GLI2: variants seen among roughly 807,000 people sequenced by gnomAD.
GLI2 encodes the protein GLI family zinc finger 2.
A neutral mutation model predicts 78.9 loss-of-function variants in GLI2; 22 were observed. The observed-to-expected ratio is 0.28, with a 90% confidence interval of 0.20 to 0.40. GLI2 has a LOEUF of 0.40. GLI2 is among the 10% of genes least tolerant of loss of function. The pLI, the probability that GLI2 is intolerant of heterozygous loss-of-function variation, is 1.00. For synonymous variants in GLI2, 974 were observed against 963.7 expected (o/e 1.01, Z -0.20); for missense variants, 2,097 against 2,213.2 (o/e 0.95, Z 1.05).
intron 2 of GLI2, among the ~76,000 whole-genome samples, chr2:120,845,638 C>T (rs879113907): frequency 6.6e-6 from 1 of 152,228 alleles, no homozygotes; most frequent in African/African-American, 2.4e-5. Flanking sequence ...CCCCGGTCAG[C>T]TTCTTGTGCT....
chr2:120,791,600 A>T (rs2104684637), intron 1 of GLI2, among the ~76,000 whole-genome samples: 1 of 152,318 alleles, frequency 6.6e-6, no homozygotes, highest in South Asian at 2.1e-4. Flanking sequence ...GGCAGGGCAC[A>T]TGTTTATCTC....
intron 9 of GLI2, among the ~76,000 whole-genome samples, chr2:120,978,105 C>T (rs149084481): frequency 7.9e-5 from 12 of 152,278 alleles, no homozygotes; most frequent in African/African-American, 2.6e-4. Context: ...CCAATATAGA[C>T]GGTCACTTTG....
chr2:120,844,974 G>GA (rs1190874386), intron 2 of GLI2, among the ~76,000 whole-genome samples: 1 of 146,972 alleles, frequency 6.8e-6, no homozygotes, highest in Admixed American at 6.7e-5. Context: ...AGCAGGTGAG[G>GA]AAAAAAAGGA....
At chr2:120,742,712 T>G (rs1682586029) in intron 1 of GLI2, among the ~76,000 whole-genome samples, 1 of 146,524 alleles carries the variant, frequency 6.8e-6, no homozygotes, top group Admixed American at 6.8e-5. Context: ...GAGAAAAATC[T>G]TTCTCCATTG....
chr2:120,940,624 C>T (rs1225728668), intron 3 of GLI2, among the ~76,000 whole-genome samples: 2 of 152,348 alleles, frequency 1.3e-5, no homozygotes, highest in African/African-American at 2.4e-5. Flanking sequence ...CTCTCTGTGA[C>T]CCCAGAGGTC....
At chr2:120,753,833 G>A (rs573280217) in intron 1 of GLI2, among the ~76,000 whole-genome samples, 2 of 151,016 alleles carry the variant, frequency 1.3e-5, no homozygotes, top group South Asian at 4.2e-4. Flanking sequence ...GGGAGGCGGA[G>A]CTTGCAGTGA....
intron 2 of GLI2, among the ~76,000 whole-genome samples, chr2:120,871,338 G>C (rs1039209655): frequency 2.6e-5 from 4 of 152,194 alleles, no homozygotes; most frequent in African/African-American, 9.7e-5. Context: ...GACGCTCCAT[G>C]AGTGTTTACT....
intron 6 of GLI2, 62 bp from the exon 7 acceptor site, chr2:120,970,331 G>A: frequency 1.1e-6 from 1 of 879,884 alleles, no homozygotes; most frequent in Non-Finnish European, 1.9e-6. Flanking sequence ...TGTCCAGGAA[G>A]TGTCAGCCTA....
chr2:120,736,463 A>C (rs899551550), intron 1 of GLI2, among the ~76,000 whole-genome samples, 178 bp downstream of exon 1: 1 of 150,270 alleles, frequency 6.7e-6, no homozygotes, highest in African/African-American at 2.5e-5. Context: ...AGTAGGCGCG[A>C]CCCCGCCTGG....
At chr2:120,893,576 G>A (rs947356326) in intron 2 of GLI2, among the ~76,000 whole-genome samples, 17 of 151,596 alleles carry the variant, frequency 1.1e-4, no homozygotes, top group African/African-American at 3.4e-4. Context: ...AGTCAGAGCC[G>A]GCCAAGAATG....
intron 2 of GLI2, among the ~76,000 whole-genome samples, chr2:120,812,244 CT>C (rs1195169931): frequency 6.6e-6 from 1 of 152,194 alleles, no homozygotes; most frequent in Non-Finnish European, 1.5e-5. Flanking sequence ...CAGGTCACCC[CT>C]GTACAGCAGG....
At chr2:120,900,024 T>C (rs1359345605) in intron 2 of GLI2, among the ~76,000 whole-genome samples, 1 of 152,170 alleles carries the variant, frequency 6.6e-6, no homozygotes, top group Non-Finnish European at 1.5e-5. Context: ...TCCCAGGACA[T>C]GCAGAGGCTG....
intron 3 of GLI2, among the ~76,000 whole-genome samples, chr2:120,929,916 T>A (rs780829908): frequency 7.2e-5 from 11 of 152,154 alleles, no homozygotes; most frequent in Non-Finnish European, 1.6e-4. Context: ...AATTGCCCAG[T>A]CAGTGGTGTC....
At chr2:120,831,973 A>G (rs1224497980) in intron 2 of GLI2, among the ~76,000 whole-genome samples, 1 of 152,158 alleles carries the variant, frequency 6.6e-6, no homozygotes, top group East Asian at 1.9e-4. Flanking sequence ...CTGCCCACCC[A>G]TCGCTTCCCA....
chr2:120,989,045 T>A lies in GLI2; in HGVS notation c.3080T>A (p.Val1027Glu), dbSNP rs1314428926. 6.2e-7 allele frequency: 1 copy of A among 1,606,546 alleles called. No homozygotes were observed. Among genetic ancestry groups the A allele is most frequent in the Non-Finnish European group, 8.5e-7 (1 of 1,179,062 alleles). The change falls in exon 14 of 14, where the codon GTG (valine) becomes GAG (glutamate). Residue 1027 changes from valine to glutamate, a missense_variant. This residue lies in a region of GLI2 where 1,290 missense variants were observed against 1,261.7 expected (regional missense o/e 1.02). Transcript: ENST00000361492. The stretch of plus-strand genomic sequence containing the variant: ...GCGATGGAGGCCGTGGCGGCAGGAG[T>A]GGACGGCGCGGGGCCCGAGGCCGAC... Reference protein sequence around the residue: ...NVAMEAVAAGVDGAGPEADLG... With the variant: ...NVAMEAVAAGEDGAGPEADLG...
At chr2:120,853,952 A>ACTTC (rs61625248) in intron 2 of GLI2, among the ~76,000 whole-genome samples, 67,621 of 151,578 alleles carry the variant, frequency 0.45, 16,213 homozygotes, top group East Asian at 0.65. Flanking sequence ...ATGTACAGGC[A>ACTTC]CTTCCTGTCC....
chr2:120,793,217 C>T (rs1684231944), intron 1 of GLI2, among the ~76,000 whole-genome samples: 1 of 152,232 alleles, frequency 6.6e-6, no homozygotes, highest in Non-Finnish European at 1.5e-5. Context: ...CCGCTCCCAC[C>T]CCCTTAGCAG....
chr2:120,992,504 T>A lies in GLI2; in HGVS notation c.*1829T>A, dbSNP rs1159877740. 1 of 152,248 alleles carries A rather than the reference T, an allele frequency of 6.6e-6. No individual in the cohort carries two copies. Among genetic ancestry groups the A allele is most frequent in the Non-Finnish European group, 1.5e-5 (1 of 68,032 alleles). 9.4% of individuals were successfully genotyped at this position (152,248 alleles called of 1,614,324 possible). ...AAAAAAGTAATTTTTTCATAATTTA[T>A]CTTGTCTATCTGCTTCCCCCTTGAC... On this transcript the variant is annotated 3_prime_UTR_variant, in exon 14 of 14. Coordinates refer to ENST00000361492, the MANE Select transcript of GLI2 (RefSeq NM_001374353.1).
chr2:120,782,331 A>G (rs1365317314), intron 1 of GLI2, among the ~76,000 whole-genome samples: 2 of 152,130 alleles, frequency 1.3e-5, no homozygotes, highest in Non-Finnish European at 2.9e-5. Flanking sequence ...TCTGCTCTTC[A>G]GTGTGTTTTA....
Sources: allele counts gnomAD v4.1 joint callset (sites outside exome capture counted in the v4.1 genomes callset), GRCh38; gene constraint gnomAD v4.1.1; regional missense constraint gnomAD v4.1.1; transcripts MANE v1.5; gene names NCBI Gene and HGNC (gene_info 2026-07-23, HGNC 2026-07-21).